C5: variants seen among roughly 807,000 people sequenced by gnomAD.
C5 encodes C3 and PZP-like alpha-2-macroglobulin domain-containing protein 4.
C5 carries 140 observed loss-of-function variants against 218.8 expected under a neutral mutation model. The observed-to-expected ratio is 0.64, with a 90% confidence interval of 0.56 to 0.74. The LOEUF is 0.74. Among genes scored for constraint, C5 ranks in the 30% least tolerant of loss-of-function variants. C5 has a pLI of 0.00. For synonymous variants in C5, 614 were observed against 682.3 expected, an observed-to-expected ratio of 0.90 and a Z score of 1.56; for missense variants, 1,700 against 1,969.6, an observed-to-expected ratio of 0.86 and a Z score of 2.59.
chr9:121,007,830 T>C (rs890595626), intron 18 of C5, among the ~76,000 whole-genome samples: 3 of 152,124 alleles, frequency 2.0e-5, no homozygotes, highest in Non-Finnish European at 4.4e-5. Flanking sequence ...AATGGACAAT[T>C]GTGTGGAAGA....
chr9:121,070,986 A>T, the C5 span, among the ~76,000 whole-genome samples: 1 of 152,186 alleles, frequency 6.6e-6, no homozygotes, highest in Non-Finnish European at 1.5e-5. Context: ...GTATCCCATA[A>T]ATATGTACAG....
intron 40 of C5, among the ~76,000 whole-genome samples, chr9:120,953,307 G>A (rs2046760115): frequency 6.6e-6 from 1 of 152,200 alleles, no homozygotes; most frequent in Non-Finnish European, 1.5e-5. Context: ...GGCCTCTCCT[G>A]GGGAGGGTTC....
chr9:120,974,926 T>G lies in C5; in HGVS notation c.3870A>C (p.Thr1290=), dbSNP rs749783914. 6.2e-7 allele frequency: 1 copy of G among 1,614,184 alleles called. No homozygotes were observed. The change falls in exon 30 of 41, where the codon ACA becomes ACC. Residue 1290 remains threonine, a synonymous_variant. Coordinates refer to ENST00000223642, the MANE Select transcript of C5 (RefSeq NM_001735.3). The part of the protein sequence containing the change: ...YGGGFYSTQD[T]INAIEGLTEY... The stretch of plus-strand genomic sequence containing the variant: ...CCGTCAGGCCCTCAATGGCATTGAT[T>G]GTGTCCTGTCAGCAATCAGCAAGGC...
intron 9 of C5, 75 bp downstream of exon 9, chr9:121,025,379 A>T (rs1232980135): frequency 7.3e-7 from 1 of 1,366,598 alleles, no homozygotes; most frequent in African/African-American, 1.5e-5. Context: ...AATTATTTAT[A>T]TCTTTAATAT....
chr9:120,987,482 A>G (rs2047041500), intron 25 of C5, among the ~76,000 whole-genome samples: 1 of 151,830 alleles, frequency 6.6e-6, no homozygotes, highest in Non-Finnish European at 1.5e-5. Flanking sequence ...ACCTCTACTA[A>G]AAATACAAAA....
intron 30 of C5, 42 bp downstream of exon 30, chr9:120,974,737 T>C: frequency 7.2e-6 from 11 of 1,532,756 alleles, no homozygotes; most frequent in Non-Finnish European, 8.1e-6. Flanking sequence ...ATTTCAATGG[T>C]CTCAGCCAAT....
rs2047383744 is a variant in C5 at position 121,023,394 on chromosome 9, C to T, written c.1116+10G>A. The T allele has an allele frequency of 3.3e-6, 5 of 1,516,758 alleles. No homozygotes were observed. Among genetic ancestry groups the T allele is most frequent in the Non-Finnish European group, 4.6e-6 (5 of 1,091,260 alleles). The allele number at this position is 1,516,758 out of a possible 1,614,324, so 94.0% of individuals were successfully genotyped here. ...ATATGTAGCAACGTCTACCCCCTCACCCAATCTACCTTGATGGGATATGGA... is the reference window on the plus strand; with the variant it reads ...ATATGTAGCAACGTCTACCCCCTCATCCAATCTACCTTGATGGGATATGGA... On this transcript the variant is annotated intron_variant, in intron 10 of 40. Coordinates refer to ENST00000223642, the MANE Select transcript of C5 (RefSeq NM_001735.3).
intron 17 of C5, among the ~76,000 whole-genome samples, chr9:121,010,626 G>A (rs1457053157): frequency 6.6e-6 from 1 of 151,528 alleles, no homozygotes; most frequent in Admixed American, 6.6e-5. Flanking sequence ...TGCAGAAATA[G>A]AAAAAAAATC....
At chr9:120,978,902 CTGTGGAT>C in intron 28 of C5, among the ~76,000 whole-genome samples, 1 of 152,022 alleles carries the variant, frequency 6.6e-6, no homozygotes, top group African/African-American at 2.4e-5. Context: ...CAGCACATTG[CTGTGGAT>C]AAGACATGGG....
In C5 at chr9:121,032,173, C is replaced by T. The variant is rs759420891; in HGVS notation, c.607G>A (p.Ala203Thr). The T allele has an allele frequency of 3.7e-6, 6 of 1,605,512 alleles. No individual in the cohort carries two copies. Among genetic ancestry groups the T allele is most frequent in the Non-Finnish European group, 5.1e-6 (6 of 1,172,444 alleles). Reference sequence around the variant, plus strand: ...GTTGAAAAGTCCTCTTTATATTTAGCCTTGATCGTCCACATACCATATCTG... The same window carrying T: ...GTTGAAAAGTCCTCTTTATATTTAGTCTTGATCGTCCACATACCATATCTG... ...NPRYGMWTIK[A>T]KYKEDFSTTG... Residue 203 changes from alanine to threonine, a missense_variant, in exon 6 of 41, where the codon GCT (alanine) becomes ACT (threonine). By Grantham distance (58) the Ala-to-Thr change is moderately conservative. Transcript: ENST00000223642.
intron 39 of C5, chr9:120,956,957 C>T: frequency 2.9e-6 from 1 of 342,438 alleles, no homozygotes; most frequent in East Asian, 7.5e-5. Flanking sequence ...ATCTATATAC[C>T]AAACCCCCAA....
intron 16 of C5, 59 bp downstream of exon 16, chr9:121,015,140 G>T: frequency 9.5e-7 from 1 of 1,049,292 alleles, no homozygotes; most frequent in Non-Finnish European, 1.5e-6. Context: ...ATTTAATTTT[G>T]TCCAGTTTTT....
intron 17 of C5, among the ~76,000 whole-genome samples, chr9:121,012,633 T>C (rs1221859698): frequency 6.6e-6 from 1 of 152,232 alleles, no homozygotes; most frequent in African/African-American, 2.4e-5. Flanking sequence ...TTACCAAAAT[T>C]ATGGTTATTA....
At chr9:121,064,704 CAATTA>C in the C5 span, among the ~76,000 whole-genome samples, 2 of 152,064 alleles carry the variant, frequency 1.3e-5, no homozygotes, top group African/African-American at 2.4e-5. Flanking sequence ...AGCTGAATGT[CAATTA>C]AATTAAATTT....
chr9:121,049,349 G>C (rs903579807), intron 1 of C5, among the ~76,000 whole-genome samples: 6 of 152,122 alleles, frequency 3.9e-5, no homozygotes, highest in Admixed American at 3.9e-4. Context: ...CTTTCAAAAA[G>C]AATAAAGGCA....
chr9:120,998,018 A>G (rs936219932), intron 20 of C5, among the ~76,000 whole-genome samples: 3 of 151,976 alleles, frequency 2.0e-5, no homozygotes, highest in African/African-American at 7.3e-5. Context: ...GGCCAGGCTG[A>G]TCTCGAACTC....
chr9:121,029,169 GAGC>G (rs1355964054), intron 7 of C5, among the ~76,000 whole-genome samples: 8 of 152,288 alleles, frequency 5.3e-5, no homozygotes, highest in African/African-American at 1.9e-4. Flanking sequence ...ACTATAGCAA[GAGC>G]TAACTTTCCT....
Position 120,993,445 on chromosome 9 carries a change from C to T in C5, c.2852-2165G>A, listed in dbSNP as rs185397485. 3.5e-3 allele frequency among the ~76,000 whole-genome samples: 530 copies of T among 152,104 alleles called. 3 individuals carry two copies. The highest frequency in any genetic ancestry group is 9.1e-3 in the African/African-American group (379 of 41,522). ...GTTATATATATATATATTTTTGAGA[C>T]GGAGTCTCGCTCTGTCGCCCAGGCT... On this transcript the variant is annotated intron_variant, in intron 22 of 40. Coordinates refer to ENST00000223642, the MANE Select transcript of C5 (RefSeq NM_001735.3).
rs1233878056 is a variant in C5 at position 120,991,290 on chromosome 9, A to G, written c.2852-10T>C. The G allele has an allele frequency of 9.1e-6, 14 of 1,544,660 alleles. No individual in the cohort carries two copies. The highest frequency in any genetic ancestry group is 1.3e-5 in the Non-Finnish European group (14 of 1,116,774). ...CGTCTGCTAATGGTACCTGTAATTT[A>G]GAAAATTTGGATTTATACAGAGTTT... On this transcript the variant is annotated splice_polypyrimidine_tract_variant and intron_variant, in intron 22 of 40. Coordinates refer to ENST00000223642, the MANE Select transcript of C5 (RefSeq NM_001735.3).
Sources: allele counts gnomAD v4.1 joint callset (sites outside exome capture counted in the v4.1 genomes callset), GRCh38; gene constraint gnomAD v4.1.1; transcripts MANE v1.5; gene names NCBI Gene and HGNC (gene_info 2026-07-23, HGNC 2026-07-21).